Variants in GALNT18 observed in about 807,000 individuals in gnomAD.
The protein encoded by GALNT18 is GalNAc-transferase 18.
GALNT18 carries 44 observed loss-of-function variants against 69.5 expected under a neutral mutation model. The observed-to-expected ratio is 0.63, with a 90% CI of 0.50 to 0.81. GALNT18 has a LOEUF of 0.81. Ranked by LOEUF, GALNT18 falls within the 40% of genes least tolerant of loss-of-function variation. The probability of loss-of-function intolerance (pLI) is 0.00; values close to 1 mark genes in which losing one functional copy is unlikely to be tolerated. For synonymous variants in GALNT18, 364 were observed against 318.2 expected, an observed-to-expected ratio of 1.14 and a Z score of -1.53; for missense variants, 715 against 810.0, an observed-to-expected ratio of 0.88 and a Z score of 1.42.
intron 10 of GALNT18, among the ~76,000 whole-genome samples, chr11:11,281,843 C>A (rs1444019748): frequency 6.6e-6 from 1 of 151,976 alleles, no homozygotes; most frequent in Non-Finnish European, 1.5e-5. Flanking sequence ...TGGGACACAA[C>A]CTCCGTGAGA....
intron 9 of GALNT18, among the ~76,000 whole-genome samples, chr11:11,321,871 C>T (rs1208235798): frequency 1.3e-5 from 2 of 152,206 alleles, no homozygotes; most frequent in Non-Finnish European, 2.9e-5. Context: ...TCCCAAAGTG[C>T]TAGGATTACA....
chr11:11,272,276 CCT>C (rs1420754648), intron 10 of GALNT18, among the ~76,000 whole-genome samples: 2 of 152,174 alleles, frequency 1.3e-5, no homozygotes, highest in Non-Finnish European at 2.9e-5. Context: ...GGCAATTCTA[CCT>C]CTCTTGTGTC....
At chr11:11,360,938 G>A (rs1589937269) in intron 6 of GALNT18, among the ~76,000 whole-genome samples, 1 of 152,294 alleles carries the variant, frequency 6.6e-6, no homozygotes, top group South Asian at 2.1e-4. Context: ...ACTTGTTACT[G>A]TTGCCATTGG....
At chr11:11,482,044 G>C (rs534272349) in intron 1 of GALNT18, among the ~76,000 whole-genome samples, 1 of 152,304 alleles carries the variant, frequency 6.6e-6, no homozygotes, top group South Asian at 2.1e-4. Context: ...CGTCATCCTT[G>C]TCTGTTTCCC....
intron 1 of GALNT18, among the ~76,000 whole-genome samples, chr11:11,539,639 C>T (rs1245128728): frequency 6.6e-6 from 1 of 152,132 alleles, no homozygotes; most frequent in Non-Finnish European, 1.5e-5. Context: ...GGAAACTGCC[C>T]ACTTGGGAGG....
At chr11:11,514,977 G>A (rs1857242061) in intron 1 of GALNT18, among the ~76,000 whole-genome samples, 1 of 152,186 alleles carries the variant, frequency 6.6e-6, no homozygotes, top group South Asian at 2.1e-4. Flanking sequence ...AAGGAGAACA[G>A]CCATTATTTA....
chr11:11,383,938 C>G lies in GALNT18; in HGVS notation c.596-4674G>C, dbSNP rs1589956989. Among the ~76,000 whole-genome samples, 1 of 152,104 alleles carries G rather than the reference C, an allele frequency of 6.6e-6. No homozygotes were observed. The stretch of plus-strand genomic sequence containing the variant: ...TGTAAGTTTCCTGAGGCCTCCGCAG[C>G]CATGTGGAACTGTGAGTCAATTAAA... On this transcript the variant is annotated intron_variant, in intron 3 of 10. Transcript: ENST00000227756. This position sits in a 1 kb window ranked among gnomAD's most constrained non-coding sequence, Gnocchi z 5.2.
intron 1 of GALNT18, among the ~76,000 whole-genome samples, chr11:11,588,611 G>A (rs7119128): frequency 0.025 from 3,849 of 152,258 alleles, 170 homozygotes; most frequent in African/African-American, 0.088. Context: ...AGACTCAGGG[G>A]TGCTGTTAAG....
In GALNT18 at chr11:11,439,124, A is replaced by AG. The variant is rs1311602394; in HGVS notation, c.429-6338dup. ...GCCCTGTCCAGCCACTGGACAATGG[A>AG]GGGGTTGAATGTAGGAGATCCTAAG... is the stretch of plus-strand genomic sequence containing the variant. On this transcript the variant is annotated intron_variant, in intron 2 of 10. Transcript: ENST00000227756. This position sits in a 1 kb window ranked among gnomAD's most constrained non-coding sequence, Gnocchi z 4.4. Among the ~76,000 whole-genome samples, 1 of 152,162 alleles carries AG rather than the reference A, an allele frequency of 6.6e-6. No homozygotes were observed. The highest frequency in any genetic ancestry group is 2.4e-5 in the African/African-American group (1 of 41,428).
chr11:11,296,054 G>A (rs1590017897), intron 9 of GALNT18, among the ~76,000 whole-genome samples: 1 of 152,112 alleles, frequency 6.6e-6, no homozygotes, highest in African/African-American at 2.4e-5. Flanking sequence ...GTAGGATGGA[G>A]AAAATTAAAC....
intron 1 of GALNT18, among the ~76,000 whole-genome samples, chr11:11,568,674 G>A (rs981356369): frequency 2.6e-5 from 4 of 152,080 alleles, no homozygotes; most frequent in Non-Finnish European, 5.9e-5. Context: ...CTAGGAGTCT[G>A]GAGTTCTGGA....
In GALNT18 at chr11:11,340,916, A is replaced by G. The variant is rs772092466; in HGVS notation, c.1181T>C (p.Leu394Pro). The G allele has an allele frequency of 6.2e-7, 1 of 1,614,050 alleles. No homozygotes were observed. The highest frequency in any genetic ancestry group is 2.2e-5 in the East Asian group (1 of 44,870). ...ERAHKPYTED[L>P]TAHVRRNALR... is the part of the protein sequence containing the mutation. The stretch of plus-strand genomic sequence containing the variant: ...AGCGTTCCTGCGGACATGGGCGGTG[A>G]GGTCCTCTGTGTAGGGCTTGTGGGC... Residue 394 changes from leucine (L) to proline (P), a missense_variant, in exon 7 of 11, where the codon CTC (leucine) becomes CCC (proline). Coordinates refer to ENST00000227756, the MANE Select transcript of GALNT18 (RefSeq NM_198516.3). The surrounding 1 kb of genome is among the most constrained non-coding windows in gnomAD (Gnocchi z 4.2).
chr11:11,304,545 T>C (rs1015147727), intron 9 of GALNT18, among the ~76,000 whole-genome samples: 1 of 152,176 alleles, frequency 6.6e-6, no homozygotes, highest in African/African-American at 2.4e-5. Flanking sequence ...CACTGAGGAA[T>C]ACTTCCCCTG....
At chr11:11,574,848 T>C (rs1858881213) in intron 1 of GALNT18, among the ~76,000 whole-genome samples, 1 of 152,214 alleles carries the variant, frequency 6.6e-6, no homozygotes, top group Admixed American at 6.5e-5. Flanking sequence ...TGAGCGTTCA[T>C]AAAGGTTTGC....
intron 1 of GALNT18, among the ~76,000 whole-genome samples, chr11:11,574,847 A>G (rs1375758237): frequency 6.6e-6 from 1 of 152,240 alleles, no homozygotes; most frequent in Admixed American, 6.5e-5. Flanking sequence ...CTGAGCGTTC[A>G]TAAAGGTTTG....
intron 3 of GALNT18, 117 bp from the exon 4 acceptor site, chr11:11,379,381 C>T: frequency 1.0e-6 from 1 of 980,522 alleles, no homozygotes; most frequent in Non-Finnish European, 1.5e-6. Flanking sequence ...GACCCATTCC[C>T]CTCCCTGGGT....
At chr11:11,472,518 C>T (rs1856294628) in intron 1 of GALNT18, among the ~76,000 whole-genome samples, 2 of 152,252 alleles carry the variant, frequency 1.3e-5, no homozygotes, top group South Asian at 4.2e-4. Flanking sequence ...ATTATTCATT[C>T]TGTAATAAGA....
intron 9 of GALNT18, among the ~76,000 whole-genome samples, chr11:11,296,231 A>G (rs1292554187): frequency 6.6e-6 from 1 of 152,162 alleles, no homozygotes; most frequent in Non-Finnish European, 1.5e-5. Flanking sequence ...CCCCAATCAC[A>G]TGAATATGAG....
intron 10 of GALNT18, among the ~76,000 whole-genome samples, chr11:11,281,683 A>G (rs908040847): frequency 5.3e-5 from 8 of 152,100 alleles, no homozygotes; most frequent in African/African-American, 1.9e-4. Flanking sequence ...CATCCTTCAG[A>G]GACTCCCATC....
Sources: allele counts gnomAD v4.1 joint callset (sites outside exome capture counted in the v4.1 genomes callset), GRCh38; gene constraint gnomAD v4.1.1; non-coding constraint Gnocchi (gnomAD v3.1); transcripts MANE v1.5; gene names NCBI Gene and HGNC (gene_info 2026-07-23, HGNC 2026-07-21).